The following MARK1 variants were observed in gnomAD, a reference collection of about 807,000 sequenced individuals.
MARK1 encodes the protein microtubule affinity regulating kinase 1, also known as serine/threonine-protein kinase MARK1.
MARK1 carries 40 observed loss-of-function variants against 96.3 expected under a neutral mutation model. The ratio of observed to expected loss-of-function variants is 0.42; its 90% CI spans 0.32 to 0.54. The LOEUF (loss-of-function observed/expected upper bound fraction) is 0.54. MARK1 is among the 20% of genes least tolerant of loss of function. The pLI, the probability that MARK1 is intolerant of heterozygous loss-of-function variation, is 0.16. For missense variants in MARK1, 719 were observed against 984.6 expected (o/e 0.73, Z 3.61); for synonymous variants, 317 against 341.2 (o/e 0.93, Z 0.78).
intron 16 of MARK1, among the ~76,000 whole-genome samples, chr1:220,653,756 T>C (rs1191131870): frequency 6.6e-6 from 1 of 152,190 alleles, no homozygotes; most frequent in Non-Finnish European, 1.5e-5. Context: ...TTTTTCTTCT[T>C]GCATAAAAAG....
At chr1:220,569,026 T>C (rs930539659) in intron 1 of MARK1, among the ~76,000 whole-genome samples, 1 of 152,202 alleles carries the variant, frequency 6.6e-6, no homozygotes, top group Non-Finnish European at 1.5e-5. Context: ...TGACCAATGA[T>C]ATATAAGTAT....
At chr1:220,559,555 TGTTTATA>T in intron 1 of MARK1, among the ~76,000 whole-genome samples, 1 of 152,198 alleles carries the variant, frequency 6.6e-6, no homozygotes, top group Non-Finnish European at 1.5e-5. Flanking sequence ...TACAGGAGCA[TGTTTATA>T]TGCTATTGAA....
chr1:220,542,821 T>A (rs977070817), intron 1 of MARK1, among the ~76,000 whole-genome samples: 1 of 152,208 alleles, frequency 6.6e-6, no homozygotes. Flanking sequence ...TATGATATCA[T>A]GCCTACTGCA....
At chr1:220,569,583 A>G (rs1286204801) in intron 1 of MARK1, among the ~76,000 whole-genome samples, 1 of 152,022 alleles carries the variant, frequency 6.6e-6, no homozygotes, top group Non-Finnish European at 1.5e-5. Flanking sequence ...TTTTGGAGTA[A>G]AGAGTGATAC....
chr1:220,560,812 G>C (rs1168470310), intron 1 of MARK1, among the ~76,000 whole-genome samples: 1 of 152,184 alleles, frequency 6.6e-6, no homozygotes, highest in Non-Finnish European at 1.5e-5. Context: ...ACTAAAACCA[G>C]AGAAAGTGAA....
chr1:220,662,996 C>T lies in MARK1; in HGVS notation c.*830C>T, dbSNP rs1284470072. On this transcript the variant is annotated 3_prime_UTR_variant, in exon 18 of 18. Transcript: ENST00000366917. ...CTGGCTATTATAACATAAACTGTCA[C>T]GTAGGTTTGCTGCCTTCAGAATACC... 1 of 152,580 alleles carries T rather than the reference C, an allele frequency of 6.6e-6. No homozygotes were observed. Among genetic ancestry groups the T allele is most frequent in the Admixed American group, 6.5e-5 (1 of 15,274 alleles). The allele number at this position is 152,580 out of a possible 1,614,324, so 9.5% of individuals were successfully genotyped here.
At chr1:220,620,245 G>A (rs1195792894) in intron 9 of MARK1, among the ~76,000 whole-genome samples, 5 of 152,042 alleles carry the variant, frequency 3.3e-5, no homozygotes, top group Admixed American at 6.6e-5. Flanking sequence ...CTTTAATAGA[G>A]AACATGTACT....
intron 6 of MARK1, among the ~76,000 whole-genome samples, chr1:220,614,053 G>T (rs1666603937): frequency 6.6e-6 from 1 of 152,186 alleles, no homozygotes; most frequent in Non-Finnish European, 1.5e-5. Flanking sequence ...TGTTATCCAG[G>T]TTGGTGTGCA....
chr1:220,649,352 G>C (rs145456474), intron 13 of MARK1, among the ~76,000 whole-genome samples: 6 of 151,708 alleles, frequency 4.0e-5, no homozygotes, highest in Non-Finnish European at 8.8e-5. Flanking sequence ...TAAGCCTCTC[G>C]AGTAGCTGGG....
At chr1:220,573,497 G>C (rs1663616386) in intron 1 of MARK1, among the ~76,000 whole-genome samples, 1 of 151,886 alleles carries the variant, frequency 6.6e-6, no homozygotes, top group Non-Finnish European at 1.5e-5. Context: ...CTAATTTTTT[G>C]TATTTTTAGT....
intron 1 of MARK1, among the ~76,000 whole-genome samples, chr1:220,559,277 G>A (rs957487007): frequency 6.6e-6 from 1 of 152,112 alleles, no homozygotes; most frequent in African/African-American, 2.4e-5. Context: ...GTGGTGTTGT[G>A]GAAGCCAAGA....
intron 1 of MARK1, among the ~76,000 whole-genome samples, chr1:220,544,464 C>T (rs986975046): frequency 3.3e-5 from 5 of 152,228 alleles, no homozygotes; most frequent in African/African-American, 9.6e-5. Context: ...CTTGCTTACC[C>T]TTCTGCCCTT....
At chr1:220,572,738 A>T (rs1006199365) in intron 1 of MARK1, among the ~76,000 whole-genome samples, 2 of 152,114 alleles carry the variant, frequency 1.3e-5, no homozygotes, top group African/African-American at 4.8e-5. Context: ...GTATTTACCC[A>T]CATATTTTCT....
chr1:220,637,297 A>T (rs1397757739), intron 13 of MARK1, among the ~76,000 whole-genome samples: 1 of 152,244 alleles, frequency 6.6e-6, no homozygotes, highest in Non-Finnish European at 1.5e-5. Flanking sequence ...AATAGTATCC[A>T]GGGCATAAGG....
At chr1:220,556,509 AATT>A (rs1273612929) in intron 1 of MARK1, among the ~76,000 whole-genome samples, 53 of 145,530 alleles carry the variant, frequency 3.6e-4, no homozygotes, top group African/African-American at 1.3e-3. Context: ...AAAAAAAACA[AATT>A]ACAGATTTCA....
intron 3 of MARK1, among the ~76,000 whole-genome samples, chr1:220,584,003 G>T (rs1343858682): frequency 6.6e-6 from 1 of 151,576 alleles, no homozygotes; most frequent in East Asian, 1.9e-4. Context: ...AATGTTGAAG[G>T]AAAAGCAAGA....
chr1:220,635,740 A>G, intron 12 of MARK1, 93 bp from the exon 13 acceptor site: 1 of 1,226,890 alleles, frequency 8.2e-7, no homozygotes, highest in Non-Finnish European at 1.1e-6. Flanking sequence ...AAGCATGCAA[A>G]TATGGATAAT....
At chr1:220,648,743 C>T (rs894460629) in intron 13 of MARK1, among the ~76,000 whole-genome samples, 2 of 152,146 alleles carry the variant, frequency 1.3e-5, no homozygotes, top group Non-Finnish European at 2.9e-5. Context: ...ATGAGATTAT[C>T]AAAAGCAAAT....
At chr1:220,566,772 T>C (rs1209316254) in intron 1 of MARK1, among the ~76,000 whole-genome samples, 1 of 152,186 alleles carries the variant, frequency 6.6e-6, no homozygotes, top group East Asian at 1.9e-4. Flanking sequence ...TCTATCTACT[T>C]AGTAACTACT....
Sources: allele counts gnomAD v4.1 joint callset (sites outside exome capture counted in the v4.1 genomes callset), GRCh38; gene constraint gnomAD v4.1.1; transcripts MANE v1.5; gene names NCBI Gene and HGNC (gene_info 2026-07-23, HGNC 2026-07-21).